The following PXDNL variants were observed in gnomAD, a reference collection of about 807,000 sequenced individuals.
PXDNL encodes the protein peroxidasin like.
PXDNL carries 145 observed loss-of-function variants against 150.8 expected under a neutral mutation model. The ratio of observed to expected loss-of-function variants is 0.96; its 90% CI spans 0.84 to 1.10. The LOEUF is 1.10. Ranked by LOEUF, PXDNL falls within the 50% of genes least tolerant of loss-of-function variation. The pLI, the probability that PXDNL is intolerant of heterozygous loss-of-function variation, is 0.00. For synonymous variants in PXDNL, 757 were observed against 725.7 expected, an observed-to-expected ratio of 1.04 and a Z score of -0.69; for missense variants, 2,087 against 1,873.9, an observed-to-expected ratio of 1.11 and a Z score of -2.10.
At chr8:51,745,211 C>A (rs2036969904) in intron 1 of PXDNL, among the ~76,000 whole-genome samples, 1 of 152,066 alleles carries the variant, frequency 6.6e-6, no homozygotes, top group Non-Finnish European at 1.5e-5. Flanking sequence ...AAAACCGGCT[C>A]TAGATAATTG....
chr8:51,453,033 C>G (rs1224002474), intron 10 of PXDNL, among the ~76,000 whole-genome samples: 1 of 152,110 alleles, frequency 6.6e-6, no homozygotes, highest in Admixed American at 6.6e-5. Flanking sequence ...TTCTTTATAA[C>G]ACGATTGCAT....
chr8:51,444,537 C>T (rs188488960), intron 12 of PXDNL, among the ~76,000 whole-genome samples: 1 of 151,944 alleles, frequency 6.6e-6, no homozygotes, highest in Admixed American at 6.6e-5. Context: ...CACCTAATAC[C>T]CGAAGGAAAT....
intron 1 of PXDNL, among the ~76,000 whole-genome samples, chr8:51,766,755 A>G (rs1439528433): frequency 1.3e-5 from 2 of 151,660 alleles, no homozygotes; most frequent in Non-Finnish European, 2.9e-5. Context: ...AAAAAAAAAG[A>G]TGTCTTCAAC....
intron 19 of PXDNL, among the ~76,000 whole-genome samples, chr8:51,348,064 T>C (rs1288103762): frequency 2.6e-5 from 4 of 152,264 alleles, no homozygotes; most frequent in Admixed American, 6.5e-5. Context: ...CTAGGCACTG[T>C]AGAGAAAATA....
intron 1 of PXDNL, among the ~76,000 whole-genome samples, chr8:51,707,757 A>T (rs1197447347): frequency 6.6e-6 from 1 of 152,154 alleles, no homozygotes; most frequent in Non-Finnish European, 1.5e-5. Context: ...TCTTCATATG[A>T]ATGGAATCAT....
chr8:51,577,979 GAAAGAAAGAAAGAAAGAAAGAGGA>G (rs1303375447), intron 3 of PXDNL, among the ~76,000 whole-genome samples: 331 of 88,916 alleles, frequency 3.7e-3, no homozygotes, highest in Middle Eastern at 0.013. Flanking sequence ...AAGAAAGAAA[GAAAGAAAGAAAGAAAGAAAGAGGA>G]AGGAAGGAAG....
intron 4 of PXDNL, among the ~76,000 whole-genome samples, chr8:51,534,268 T>A (rs1289512787): frequency 7.5e-6 from 1 of 134,038 alleles, no homozygotes; most frequent in Non-Finnish European, 1.5e-5. Context: ...GTCTGAGAAG[T>A]GAGGAGCCCC....
intron 19 of PXDNL, among the ~76,000 whole-genome samples, chr8:51,350,264 C>T (rs1806294915): frequency 6.6e-6 from 1 of 151,280 alleles, no homozygotes; most frequent in Non-Finnish European, 1.5e-5. Context: ...GCATAGGGCC[C>T]AGGGGATTGG....
chr8:51,669,030 A>G (rs1331859552), intron 1 of PXDNL, among the ~76,000 whole-genome samples: 4 of 152,238 alleles, frequency 2.6e-5, no homozygotes, highest in African/African-American at 4.8e-5. Flanking sequence ...TAGCTTGCAT[A>G]CTGAAGTCAC....
intron 16 of PXDNL, 108 bp downstream of exon 16, chr8:51,411,141 TC>T: frequency 1.0e-6 from 1 of 960,918 alleles, no homozygotes; most frequent in Non-Finnish European, 1.4e-6. Flanking sequence ...TAAATTAATT[TC>T]TAAATCCCAT....
At chr8:51,778,693 A>G (rs188316967) in intron 1 of PXDNL, among the ~76,000 whole-genome samples, 1 of 152,344 alleles carries the variant, frequency 6.6e-6, no homozygotes, top group Non-Finnish European at 1.5e-5. Context: ...CAAGTCAGCT[A>G]GACTTAACAT....
intron 17 of PXDNL, among the ~76,000 whole-genome samples, chr8:51,397,244 G>T (rs1808110318): frequency 6.6e-6 from 1 of 152,126 alleles, no homozygotes; most frequent in African/African-American, 2.4e-5. Flanking sequence ...AATGGGTTTT[G>T]AATCAGTTCT....
intron 2 of PXDNL, among the ~76,000 whole-genome samples, chr8:51,605,279 T>C (rs1399692784): frequency 6.6e-6 from 1 of 152,258 alleles, no homozygotes; most frequent in East Asian, 1.9e-4. Flanking sequence ...ATCAATTTGA[T>C]AAAGTAATTT....
chr8:51,372,763 G>A (rs918686628), intron 18 of PXDNL, among the ~76,000 whole-genome samples: 1 of 152,148 alleles, frequency 6.6e-6, no homozygotes, highest in Non-Finnish European at 1.5e-5. Flanking sequence ...TGCCTAAAAA[G>A]AAAATAGCAC....
At chr8:51,778,390 C>G (rs1363466091) in intron 1 of PXDNL, among the ~76,000 whole-genome samples, 13 of 152,160 alleles carry the variant, frequency 8.5e-5, no homozygotes, top group Non-Finnish European at 1.8e-4. Context: ...TGGAGGGTGA[C>G]TACTGGGAAG....
At chr8:51,436,155 C>G (rs1490929523) in intron 12 of PXDNL, 1 of 516,780 alleles carries the variant, frequency 1.9e-6, no homozygotes, top group Admixed American at 2.1e-5. Context: ...TAAAAGAACT[C>G]TTAATTCAGA....
chr8:51,588,390 C>G (rs1484508798), intron 3 of PXDNL, among the ~76,000 whole-genome samples: 3 of 152,186 alleles, frequency 2.0e-5, no homozygotes, highest in Non-Finnish European at 4.4e-5. Context: ...CTTCACACAT[C>G]TGTTATCCTT....
chr8:51,435,637 G>T, intron 12 of PXDNL: 2 of 202,474 alleles, frequency 9.9e-6, no homozygotes, highest in South Asian at 2.0e-4. Flanking sequence ...ATGGAGGCGT[G>T]GCAGTTCAGG....
Position 51,319,983 on chromosome 8 carries a change from C to G in PXDNL, c.4300G>C (p.Ala1434Pro). Residue 1434 changes from alanine (A) to proline (P), a missense_variant, in exon 23 of 23, where the codon GCT becomes CCT. Physicochemically the swap from Ala to Pro is conservative, Grantham distance 27. Transcript: ENST00000356297. ...VTCVVEICPP[A>P]PCPSPELVKG... is the part of the protein sequence containing the mutation. ...ACCAATTCAGGACTGGGACAGGGAG[C>G]CGGGGGACAAATCTCCACCACACAG... 1 of 1,571,740 alleles carries G rather than the reference C, an allele frequency of 6.4e-7. No homozygotes were observed. Among genetic ancestry groups the G allele is most frequent in the Non-Finnish European group, 8.6e-7 (1 of 1,159,382 alleles).
Sources: allele counts gnomAD v4.1 joint callset (sites outside exome capture counted in the v4.1 genomes callset), GRCh38; gene constraint gnomAD v4.1.1; transcripts MANE v1.5; gene names NCBI Gene and HGNC (gene_info 2026-07-23, HGNC 2026-07-21).